NRTN: variants seen among roughly 807,000 people sequenced by gnomAD.
NRTN encodes prepro-neurturin.
A neutral mutation model predicts 7.5 loss-of-function variants in NRTN; 3 were observed. The observed-to-expected ratio is 0.40, with a 90% CI of 0.18 to 1.03. The LOEUF (loss-of-function observed/expected upper bound fraction) is 1.03. NRTN is among the 50% of genes least tolerant of loss of function. The pLI, the probability that NRTN is intolerant of heterozygous loss-of-function variation, is 0.34. For synonymous variants in NRTN, 157 were observed against 146.6 expected, an observed-to-expected ratio of 1.07 and a Z score of -0.51; for missense variants, 310 against 307.0, an observed-to-expected ratio of 1.01 and a Z score of -0.07.
At chr19:5,819,307 G>A (rs572221212) in intron 1 of NRTN, among the ~76,000 whole-genome samples, 176 of 152,152 alleles carry the variant, frequency 1.2e-3, no homozygotes, top group Non-Finnish European at 2.3e-3. Flanking sequence ...CAGGAGGCTC[G>A]CTTGAGCCCA....
At chr19:5,810,070 C>A (rs2056985226) in intron 1 of NRTN, among the ~76,000 whole-genome samples, 1 of 151,542 alleles carries the variant, frequency 6.6e-6, no homozygotes, top group Non-Finnish European at 1.5e-5. Context: ...TCAAGACCAT[C>A]CTAGCTAACA....
In NRTN at chr19:5,805,342, C is replaced by T. The variant is rs562636643; in HGVS notation, c.-508C>T. On this transcript the variant is annotated 5_prime_UTR_variant, in exon 1 of 3. Transcript: ENST00000303212. Reference sequence around the variant, plus strand: ...CCGCGGCCGCCCCCTCCGGCCCGGGCCCCCCCCGGGCACCGCGGGCCCAGG... The same window carrying T: ...CCGCGGCCGCCCCCTCCGGCCCGGGTCCCCCCCGGGCACCGCGGGCCCAGG... Among the ~76,000 whole-genome samples the T allele has an allele frequency of 4.4e-5, 6 of 136,616 alleles. No homozygotes were observed. Among genetic ancestry groups the T allele is most frequent in the African/African-American group, 1.9e-4 (6 of 32,252 alleles). The allele number at this position is 136,616 out of a possible 152,430, so 89.6% of individuals were successfully genotyped here.
chr19:5,828,290 C>T lies in NRTN; in HGVS notation c.*117C>T. The stretch of plus-strand genomic sequence containing the variant: ...CGCCGGCGCGGCCCCGGGACTCTCG[C>T]GATAACTGTACTGAGATAAAGTGTG... On this transcript the variant is annotated 3_prime_UTR_variant, in exon 3 of 3. Coordinates refer to ENST00000303212, the MANE Select transcript of NRTN (RefSeq NM_004558.5). 1 of 1,170,846 alleles carries T rather than the reference C, an allele frequency of 8.5e-7. No individual in the cohort carries two copies. Among genetic ancestry groups the T allele is most frequent in the Non-Finnish European group, 1.2e-6 (1 of 859,048 alleles). The allele number at this position is 1,170,846 out of a possible 1,614,324, so 72.5% of individuals were successfully genotyped here.
chr19:5,823,031 A>G (rs2057030964), intron 1 of NRTN, among the ~76,000 whole-genome samples: 1 of 144,648 alleles, frequency 6.9e-6, no homozygotes, highest in African/African-American at 2.5e-5. Flanking sequence ...CTCAAAAAAA[A>G]AGAAAGAGAG....
chr19:5,824,674 T>C (rs2057039137), intron 2 of NRTN, among the ~76,000 whole-genome samples: 1 of 152,120 alleles, frequency 6.6e-6, no homozygotes, highest in Non-Finnish European at 1.5e-5. Flanking sequence ...TCCAGCTACT[T>C]GGGAGGCTGA....
In NRTN at chr19:5,828,236, C is replaced by G; in HGVS notation, c.*63C>G. The G allele has an allele frequency of 6.6e-7, 1 of 1,506,888 alleles. No homozygotes were observed. Among genetic ancestry groups the G allele is most frequent in the Middle Eastern group, 2.2e-4 (1 of 4,538 alleles). The allele number at this position is 1,506,888 out of a possible 1,614,324, so 93.3% of individuals were successfully genotyped here. ...CGCCTCGACGGCACCACTGGCCGGC[C>G]CCGCGAAAGACTGCGCGTGCGTAGA... On this transcript the variant is annotated 3_prime_UTR_variant, in exon 3 of 3. Coordinates refer to ENST00000303212, the MANE Select transcript of NRTN (RefSeq NM_004558.5).
chr19:5,825,621 G>T (rs551317468), intron 2 of NRTN, among the ~76,000 whole-genome samples: 1 of 152,192 alleles, frequency 6.6e-6, no homozygotes, highest in African/African-American at 2.4e-5. Flanking sequence ...CTTGGGGTGC[G>T]GGGGGCAAAG....
Position 5,815,299 on chromosome 19 carries a change from G to A in NRTN, c.-398-8469G>A, listed in dbSNP as rs114965986. 3.9e-3 allele frequency among the ~76,000 whole-genome samples: 593 copies of A among 152,242 alleles called. 5 individuals carry two copies. The highest frequency in any genetic ancestry group is 0.014 in the African/African-American group (570 of 41,516). The stretch of plus-strand genomic sequence containing the variant: ...TGTGTGTAAGTGGGATCATGCTTGA[G>A]TGTGAGTGTGAAAACACCCTGGTTT... On this transcript the variant is annotated intron_variant, in intron 1 of 2. Coordinates refer to ENST00000303212, the MANE Select transcript of NRTN (RefSeq NM_004558.5).
At chr19:5,817,966 A>T (rs987164433) in intron 1 of NRTN, among the ~76,000 whole-genome samples, 1 of 146,386 alleles carries the variant, frequency 6.8e-6, no homozygotes, top group East Asian at 2.0e-4. Flanking sequence ...CACCCGGCTA[A>T]TTTTTTTTCT....
intron 1 of NRTN, among the ~76,000 whole-genome samples, chr19:5,808,780 C>T (rs2056981238): frequency 7.3e-6 from 1 of 137,886 alleles, no homozygotes; most frequent in African/African-American, 2.7e-5. Context: ...TTTTTTGAGA[C>T]AGTCTCGCTC....
At chr19:5,821,638 T>TTCATTCAC (rs2057025190) in intron 1 of NRTN, among the ~76,000 whole-genome samples, 3 of 131,522 alleles carry the variant, frequency 2.3e-5, no homozygotes, top group South Asian at 4.6e-4. Flanking sequence ...CATTCATTCA[T>TTCATTCAC]TCATCATTCA....
At chr19:5,805,974 C>G (rs1326650115) in intron 1 of NRTN, among the ~76,000 whole-genome samples, 1 of 152,086 alleles carries the variant, frequency 6.6e-6, no homozygotes, top group Non-Finnish European at 1.5e-5. Flanking sequence ...CGGTGTCCTC[C>G]GGTGAGGGCC....
intron 1 of NRTN, among the ~76,000 whole-genome samples, chr19:5,818,979 G>A (rs1046854901): frequency 3.3e-5 from 5 of 152,156 alleles, no homozygotes; most frequent in African/African-American, 4.8e-5. Context: ...CCATGCTGGG[G>A]CTAGGCCCTT....
chr19:5,807,390 G>A (rs1405061250), intron 1 of NRTN, among the ~76,000 whole-genome samples: 3 of 152,186 alleles, frequency 2.0e-5, no homozygotes, highest in Non-Finnish European at 4.4e-5. Context: ...CATCTCCCTG[G>A]TCCTCCAAGT....
chr19:5,816,482 G>A (rs764109822), intron 1 of NRTN, among the ~76,000 whole-genome samples: 37 of 152,144 alleles, frequency 2.4e-4, no homozygotes, highest in Middle Eastern at 3.4e-3. Context: ...AGGTTCAAGC[G>A]ATTCTCCTGC....
chr19:5,816,191 G>A (rs2057004704), intron 1 of NRTN, among the ~76,000 whole-genome samples: 1 of 151,868 alleles, frequency 6.6e-6, no homozygotes, highest in Admixed American at 6.6e-5. Context: ...GTGAGCCACT[G>A]AGCCTGGCCG....
In NRTN at chr19:5,806,117, T is replaced by C. The variant is rs947049000; in HGVS notation, c.-399+666T>C. On this transcript the variant is annotated intron_variant, in intron 1 of 2. Coordinates refer to ENST00000303212, the MANE Select transcript of NRTN (RefSeq NM_004558.5). The surrounding 1 kb of genome is among the most constrained non-coding windows in gnomAD (Gnocchi z 5.4). ...GGGAGGCTGTGCCTGCCTTTCCTGC[T>C]TTTTATAAAAGGTGTCTCCTGCACG... 6.6e-6 allele frequency among the ~76,000 whole-genome samples: 1 copy of C among 152,106 alleles called. No homozygotes were observed. Among genetic ancestry groups the C allele is most frequent in the Admixed American group, 6.5e-5 (1 of 15,274 alleles).
rs778194205 is a variant in NRTN, at chr19:5,824,259, C to T, written c.94C>T (p.Arg32Cys). The T allele has an allele frequency of 1.4e-5, 22 of 1,611,496 alleles. No homozygotes were observed. Among genetic ancestry groups the T allele is most frequent in the Admixed American group, 5.0e-5 (3 of 59,898 alleles). ...TCGAGAGGGCCTGCTTCTCAGCCAC[C>T]GCCTCGGACCTGCGCTGGTCCCCCT... ...MCREGLLLSH[R>C]LGPALVPLHR... The change falls in exon 2 of 3, where the codon CGC becomes TGC. Residue 32 changes from arginine to cysteine, a missense_variant. Arg to Cys is a radical substitution (Grantham distance 180). Transcript: ENST00000303212.
chr19:5,827,602 T>G, intron 2 of NRTN, 147 bp from the exon 3 acceptor site: 1 of 270,882 alleles, frequency 3.7e-6, no homozygotes, highest in Non-Finnish European at 6.3e-6. Flanking sequence ...GGTGGGGAAA[T>G]TTGGGACCTG....
Sources: gnomAD v4.1 joint callset for allele counts (sites outside exome capture counted in the v4.1 genomes callset) on GRCh38, gnomAD v4.1.1 for gene constraint, Gnocchi (gnomAD v3.1) non-coding constraint, MANE v1.5 for transcripts, NCBI Gene and HGNC (gene_info 2026-07-23, HGNC 2026-07-21) for gene names.